The following SORCS1 variants were observed in gnomAD, a reference collection of about 807,000 sequenced individuals.
SORCS1 encodes the protein VPS10 domain-containing receptor SorCS1.
In SORCS1, 60 loss-of-function variants were observed where a neutral mutation model predicts 146.1. The observed-to-expected ratio is 0.41, with a 90% confidence interval of 0.33 to 0.51. The LOEUF (loss-of-function observed/expected upper bound fraction) is 0.51, where lower values mean the gene tolerates loss of function less well. SORCS1 is among the 20% of genes least tolerant of loss of function. The probability of loss-of-function intolerance (pLI) is 0.21; values close to 1 mark genes in which losing one functional copy is unlikely to be tolerated. For synonymous variants in SORCS1, 637 were observed against 584.0 expected, an observed-to-expected ratio of 1.09 and a Z score of -1.31; for missense variants, 1,352 against 1,487.6, an observed-to-expected ratio of 0.91 and a Z score of 1.50.
At chr10:106,591,366 A>C (rs1845595510) in intron 24 of SORCS1, among the ~76,000 whole-genome samples, 2 of 152,222 alleles carry the variant, frequency 1.3e-5, no homozygotes, top group Admixed American at 1.3e-4. Flanking sequence ...ATAAGAAAAA[A>C]AAATACAAAG....
chr10:106,668,828 G>A (rs1851366924), intron 16 of SORCS1, among the ~76,000 whole-genome samples: 1 of 152,128 alleles, frequency 6.6e-6, no homozygotes, highest in African/African-American at 2.4e-5. Flanking sequence ...ACGAATGCTG[G>A]AGAGGGACAG....
chr10:107,151,424 G>A (rs1370072736), intron 1 of SORCS1, among the ~76,000 whole-genome samples: 1 of 151,882 alleles, frequency 6.6e-6, no homozygotes, highest in African/African-American at 2.4e-5. Flanking sequence ...GGTTTAATTG[G>A]ACTTACAGTT....
At chr10:106,658,394 A>C (rs941673381) in intron 17 of SORCS1, among the ~76,000 whole-genome samples, 2 of 152,034 alleles carry the variant, frequency 1.3e-5, no homozygotes, top group African/African-American at 4.8e-5. Flanking sequence ...TATCACATGC[A>C]ACCAAGGTGA....
chr10:106,941,389 G>A (rs1433991857), intron 2 of SORCS1, among the ~76,000 whole-genome samples: 1 of 151,164 alleles, frequency 6.6e-6, no homozygotes, highest in African/African-American at 2.4e-5. Context: ...AGGAAATGGA[G>A]CACAGAGACT....
chr10:106,926,444 T>TA (rs1194568773), intron 2 of SORCS1, among the ~76,000 whole-genome samples: 1 of 151,938 alleles, frequency 6.6e-6, no homozygotes, highest in Non-Finnish European at 1.5e-5. Context: ...AAGTGGGGAT[T>TA]AAAAAAAAGT....
intron 1 of SORCS1, among the ~76,000 whole-genome samples, chr10:106,964,572 T>C (rs1454161068): frequency 1.3e-5 from 2 of 152,084 alleles, no homozygotes; most frequent in African/African-American, 2.4e-5. Context: ...CTGCAACCTC[T>C]GCCTCCCGGG....
intron 3 of SORCS1, among the ~76,000 whole-genome samples, chr10:106,778,746 GA>G (rs1231742071): frequency 2.6e-5 from 4 of 152,080 alleles, no homozygotes; most frequent in Non-Finnish European, 5.9e-5. Flanking sequence ...CAATTTTATA[GA>G]ACATCTATTG....
intron 1 of SORCS1, among the ~76,000 whole-genome samples, chr10:106,996,842 C>A (rs1957025383): frequency 6.6e-6 from 1 of 152,040 alleles, no homozygotes; most frequent in Admixed American, 6.6e-5. Context: ...CTCAGGAAAC[C>A]TTGCTTAGTG....
At chr10:106,955,990 C>T (rs564273620) in intron 2 of SORCS1, among the ~76,000 whole-genome samples, 2 of 151,924 alleles carry the variant, frequency 1.3e-5, no homozygotes, top group Admixed American at 6.6e-5. Context: ...ATTAGCCATG[C>T]GTGGTGGCGC....
chr10:106,815,134 T>C (rs1003871094), intron 3 of SORCS1, among the ~76,000 whole-genome samples: 1 of 151,738 alleles, frequency 6.6e-6, no homozygotes. Flanking sequence ...AATTTTTCTA[T>C]TTTTAGTAAA....
chr10:106,643,995 G>T (rs1037259707), intron 18 of SORCS1, among the ~76,000 whole-genome samples: 1 of 152,188 alleles, frequency 6.6e-6, no homozygotes. Context: ...TCAGGATCAG[G>T]TGTCTCATGT....
chr10:107,178,265 C>T, the SORCS1 span, among the ~76,000 whole-genome samples: 2 of 152,008 alleles, frequency 1.3e-5, no homozygotes, highest in Admixed American at 1.3e-4. Context: ...TATATTTGTA[C>T]CCATTAACCA....
At chr10:106,652,103 A>T (rs1341457325) in intron 18 of SORCS1, among the ~76,000 whole-genome samples, 1 of 152,226 alleles carries the variant, frequency 6.6e-6, no homozygotes, top group African/African-American at 2.4e-5. Context: ...ATTTTGCTAA[A>T]AGTGCCAATA....
chr10:106,660,759 A>T (rs1178464551), intron 17 of SORCS1, among the ~76,000 whole-genome samples: 1 of 152,130 alleles, frequency 6.6e-6, no homozygotes, highest in African/African-American at 2.4e-5. Context: ...CAAAAAAAAA[A>T]AAAAAAGTCC....
chr10:106,642,354 G>A (rs1019566730), intron 18 of SORCS1, among the ~76,000 whole-genome samples: 1 of 152,130 alleles, frequency 6.6e-6, no homozygotes, highest in African/African-American at 2.4e-5. Flanking sequence ...GAACCTAGCA[G>A]GGACCTCTAG....
At chr10:107,148,976 A>C (rs1968551940) in intron 1 of SORCS1, among the ~76,000 whole-genome samples, 1 of 152,192 alleles carries the variant, frequency 6.6e-6, no homozygotes, top group Admixed American at 6.5e-5. Flanking sequence ...CTAGGCAAAA[A>C]TTTCTAAAGT....
chr10:106,901,765 C>T (rs559234662), intron 2 of SORCS1, among the ~76,000 whole-genome samples: 7 of 152,264 alleles, frequency 4.6e-5, no homozygotes, highest in African/African-American at 1.2e-4. Flanking sequence ...TTTTACTGGC[C>T]GGGCGAGGTG....
intron 20 of SORCS1, among the ~76,000 whole-genome samples, chr10:106,619,955 G>T (rs753620699): frequency 6.6e-6 from 1 of 152,186 alleles, no homozygotes; most frequent in African/African-American, 2.4e-5. Context: ...GCTTGCGCCT[G>T]TCCAGTTGCA....
intron 22 of SORCS1, among the ~76,000 whole-genome samples, 183 bp from the exon 23 acceptor site, chr10:106,607,480 C>T (rs780276065): frequency 3.3e-5 from 5 of 152,144 alleles, no homozygotes; most frequent in South Asian, 4.1e-4. Context: ...GTCCAGGCTC[C>T]GGAGTCAGGC....
Sources: allele counts gnomAD v4.1 joint callset (sites outside exome capture counted in the v4.1 genomes callset), GRCh38; gene constraint gnomAD v4.1.1; transcripts MANE v1.5; gene names NCBI Gene and HGNC (gene_info 2026-07-23, HGNC 2026-07-21).